APPBP2: variants seen among roughly 807,000 people sequenced by gnomAD.
APPBP2 encodes amyloid beta precursor protein binding protein 2, also known as amyloid protein-binding protein 2.
Under a neutral mutation model 76.0 loss-of-function variants are expected in APPBP2, and 15 were observed. The ratio of observed to expected loss-of-function variants is 0.20; its 90% CI spans 0.13 to 0.30. The LOEUF is 0.30. APPBP2 is among the 10% of genes least tolerant of loss of function. The pLI is 1.00. For synonymous variants in APPBP2, 222 were observed against 242.2 expected, an observed-to-expected ratio of 0.92 and a Z score of 0.77; for missense variants, 401 against 687.2, an observed-to-expected ratio of 0.58 and a Z score of 4.66.
chr17:60,500,358 T>C lies in APPBP2; in HGVS notation c.227+41A>G, dbSNP rs758350953. 3.7e-6 allele frequency: 5 copies of C among 1,348,806 alleles called. No homozygotes were observed. The South Asian group carries it at 6.3e-5, about 17-fold the overall frequency. The allele number at this position is 1,348,806 out of a possible 1,614,324, so 83.6% of individuals were successfully genotyped here. A position where few individuals can be genotyped will look rare whatever the true frequency, so the allele number is the denominator to read the frequency against. ...TCAATTCGGTTAAAATGGTAAATTT[T>C]ATGTTATGTATATTTTACAATTTTT... On this transcript the variant is annotated intron_variant, in intron 2 of 12. Coordinates refer to ENST00000083182, the MANE Select transcript of APPBP2 (RefSeq NM_006380.5).
Position 60,526,190 on chromosome 17 carries a change from G to C in APPBP2, c.-259C>G. 2.1e-6 allele frequency: 1 copy of C among 477,480 alleles called. No homozygotes were observed. The highest frequency in any genetic ancestry group is 4.0e-5 in the East Asian group (1 of 24,842). The allele number at this position is 477,480 out of a possible 1,614,324, so 29.6% of individuals were successfully genotyped here. ...AAGCGTCACAATCCCGGTTCGAGAG[G>C]AACCCGGGTTCCGTCCCAGCGCTGA... On this transcript the variant is annotated 5_prime_UTR_variant, in exon 1 of 13. Coordinates refer to ENST00000083182, the MANE Select transcript of APPBP2 (RefSeq NM_006380.5).
chr17:60,457,409 G>A (rs528798260), intron 9 of APPBP2, among the ~76,000 whole-genome samples: 6 of 151,122 alleles, frequency 4.0e-5, no homozygotes, highest in Admixed American at 2.0e-4. Context: ...GTCTGCTGAG[G>A]TTTTTTTTGT....
At chr17:60,513,433 G>A in intron 1 of APPBP2, 2 of 648,778 alleles carry the variant, frequency 3.1e-6, no homozygotes, top group Non-Finnish European at 5.7e-6. Flanking sequence ...TTTTGTGACA[G>A]ATAACTTGTG....
chr17:60,466,803 T>C (rs1170935431), intron 4 of APPBP2, among the ~76,000 whole-genome samples: 1 of 152,186 alleles, frequency 6.6e-6, no homozygotes, highest in Non-Finnish European at 1.5e-5. Flanking sequence ...ACTTGGAAAA[T>C]AATGAAGAAA....
Position 60,461,930 on chromosome 17 carries a change from A to G in APPBP2, c.831-15T>C, listed in dbSNP as rs1166067139. 3 of 1,609,300 alleles carry G rather than the reference A, an allele frequency of 1.9e-6. No individual in the cohort carries two copies. Among genetic ancestry groups the G allele is most frequent in the South Asian group, 2.2e-5 (2 of 90,748 alleles). The stretch of plus-strand genomic sequence containing the variant: ...CAAAATGATCCCTATAAAAAGACAC[A>G]AAATTATTAGGATATAAAGTATAGA... On this transcript the variant is annotated splice_polypyrimidine_tract_variant and intron_variant, in intron 7 of 12. Transcript: ENST00000083182.
At chr17:60,512,214 T>C (rs2090919787) in intron 1 of APPBP2, among the ~76,000 whole-genome samples, 3 of 151,978 alleles carry the variant, frequency 2.0e-5, no homozygotes, top group African/African-American at 7.3e-5. Context: ...GCCATTCTCC[T>C]GCCTCAGCCT....
At chr17:60,514,195 T>A (rs2090944343) in intron 1 of APPBP2, among the ~76,000 whole-genome samples, 1 of 152,038 alleles carries the variant, frequency 6.6e-6, no homozygotes, top group Admixed American at 6.6e-5. Context: ...AAGTCCCAGC[T>A]ACTAGGCAGG....
chr17:60,497,891 C>A (rs1424626712), intron 2 of APPBP2, among the ~76,000 whole-genome samples: 1 of 152,018 alleles, frequency 6.6e-6, no homozygotes, highest in African/African-American at 2.4e-5. Flanking sequence ...GTAACCCCAG[C>A]ACTTTGGGAG....
chr17:60,484,767 T>C (rs540195562), intron 3 of APPBP2, among the ~76,000 whole-genome samples: 4 of 152,290 alleles, frequency 2.6e-5, no homozygotes, highest in Admixed American at 2.6e-4. Context: ...CTATGTTGAA[T>C]AGGAGTGATG....
In APPBP2 at chr17:60,497,981, A is replaced by G. The variant is rs185936426; in HGVS notation, c.227+2418T>C. Among the ~76,000 whole-genome samples, 65 of 152,234 alleles carry G rather than the reference A, an allele frequency of 4.3e-4. No individual in the cohort carries two copies. In the East Asian group the frequency reaches 5.8e-3, roughly 14 times the overall value. ...TGGCGAAACCCCATCTCTACTAAAA[A>G]TACAAAAAATTACCCAGGCGTGGTG... On this transcript the variant is annotated intron_variant, in intron 2 of 12. Coordinates refer to ENST00000083182, the MANE Select transcript of APPBP2 (RefSeq NM_006380.5).
chr17:60,502,019 T>C (rs181997866), intron 1 of APPBP2, among the ~76,000 whole-genome samples: 11 of 152,362 alleles, frequency 7.2e-5, no homozygotes, highest in Non-Finnish European at 1.5e-5. Context: ...TATGTTAACA[T>C]TAAAACCTTC....
chr17:60,463,945 A>G, intron 6 of APPBP2, 76 bp downstream of exon 6: 2 of 1,030,106 alleles, frequency 1.9e-6, no homozygotes, highest in Non-Finnish European at 2.9e-6. Context: ...AAAATGTTAA[A>G]TAACAGGTTA....
intron 2 of APPBP2, among the ~76,000 whole-genome samples, chr17:60,499,771 A>G (rs1223540419): frequency 6.7e-6 from 1 of 149,884 alleles, no homozygotes; most frequent in African/African-American, 2.5e-5. Context: ...TACAACATAG[A>G]TAAACCTTAA....
At chr17:60,460,576 A>AC in intron 9 of APPBP2, 87 bp downstream of exon 9, 34 of 1,332,082 alleles carry the variant, frequency 2.6e-5, no homozygotes, top group Non-Finnish European at 3.3e-5. Context: ...TACTATTATT[A>AC]ATGTAATAAT....
chr17:60,452,403 T>G (rs1486505868), intron 11 of APPBP2, among the ~76,000 whole-genome samples: 1 of 152,236 alleles, frequency 6.6e-6, no homozygotes, highest in Non-Finnish European at 1.5e-5. Context: ...TTCCTTTGGT[T>G]AACACAGTTA....
intron 1 of APPBP2, among the ~76,000 whole-genome samples, chr17:60,514,993 G>A (rs893426625): frequency 8.6e-5 from 13 of 151,706 alleles, no homozygotes; most frequent in Admixed American, 3.3e-4. Flanking sequence ...TAGTAGAGAC[G>A]GGGTTTCACT....
At chr17:60,466,550 T>C (rs976340479) in intron 4 of APPBP2, 91 bp from the exon 5 acceptor site, 7 of 1,255,248 alleles carry the variant, frequency 5.6e-6, no homozygotes, top group African/African-American at 3.0e-5. Flanking sequence ...TGACTTAAGG[T>C]AATTAAATAC....
At chr17:60,506,776 G>A (rs982082852) in intron 1 of APPBP2, among the ~76,000 whole-genome samples, 4 of 152,120 alleles carry the variant, frequency 2.6e-5, no homozygotes, top group East Asian at 1.9e-4. Flanking sequence ...GGTGGCTCGC[G>A]CCTGTAATGC....
At position 60,513,339 on chromosome 17, in the gene APPBP2, C is replaced by T. The variant is rs78465185; in HGVS notation, c.138+12455G>A. On this transcript the variant is annotated intron_variant, in intron 1 of 12. Coordinates refer to ENST00000083182, the MANE Select transcript of APPBP2 (RefSeq NM_006380.5). ...TCATCAAATCAGAGTGGAAAACACA[C>T]CTGAAACTAGAGGAACAGCTTATGT... The T allele has an allele frequency of 8.0e-4, 480 of 601,458 alleles. 5 individuals carry two copies. The East Asian group carries it at 0.013, about 16-fold the overall frequency. 37.3% of individuals were successfully genotyped at this position (601,458 alleles called of 1,614,324 possible).
Sources: allele counts gnomAD v4.1 joint callset (sites outside exome capture counted in the v4.1 genomes callset), GRCh38; gene constraint gnomAD v4.1.1; transcripts MANE v1.5; gene names NCBI Gene and HGNC (gene_info 2026-07-23, HGNC 2026-07-21).